PPP2R2C: variants seen among roughly 807,000 people sequenced by gnomAD.
The protein encoded by PPP2R2C is protein phosphatase 2 regulatory subunit Bgamma.
Under a neutral mutation model 45.3 loss-of-function variants are expected in PPP2R2C, and 10 were observed. The ratio of observed to expected loss-of-function variants is 0.22; its 90% CI spans 0.14 to 0.37. PPP2R2C has a LOEUF of 0.37. Ranked by LOEUF, PPP2R2C falls within the 10% of genes least tolerant of loss-of-function variation. The pLI is 1.00. For missense variants in PPP2R2C, 308 were observed against 619.7 expected (o/e 0.50, Z 5.34); for synonymous variants, 257 against 245.4 (o/e 1.05, Z -0.44).
At chr4:6,515,161 C>T (rs928599684) in intron 2 of PPP2R2C, among the ~76,000 whole-genome samples, 7 of 152,236 alleles carry the variant, frequency 4.6e-5, no homozygotes, top group Admixed American at 1.3e-4. Flanking sequence ...ATACAGGTGG[C>T]GGCTGGTCAC....
At chr4:6,418,055 C>G (rs1222906616) in intron 1 of PPP2R2C, among the ~76,000 whole-genome samples, 1 of 152,192 alleles carries the variant, frequency 6.6e-6, no homozygotes, top group East Asian at 1.9e-4. Context: ...TGCCCCTCAC[C>G]TTGCCTTGCC....
chr4:6,398,928 G>T (rs1469045000), intron 1 of PPP2R2C, among the ~76,000 whole-genome samples: 1 of 152,172 alleles, frequency 6.6e-6, no homozygotes, highest in African/African-American at 2.4e-5. Flanking sequence ...ACAAATCATT[G>T]ACACACACAG....
chr4:6,514,088 AGGAAAAAATAATTTACCGT>A (rs1723759390), intron 2 of PPP2R2C, among the ~76,000 whole-genome samples: 1 of 152,244 alleles, frequency 6.6e-6, no homozygotes, highest in African/African-American at 2.4e-5. Context: ...ATTTTATGTA[AGGAAAAAATAATTTACCGT>A]CCTTTGACTT....
At chr4:6,428,656 T>C (rs1719460423) in intron 1 of PPP2R2C, among the ~76,000 whole-genome samples, 1 of 152,236 alleles carries the variant, frequency 6.6e-6, no homozygotes, top group Non-Finnish European at 1.5e-5. Context: ...CAAGAGGGCC[T>C]GATGAATAAG....
At chr4:6,349,739 T>TA (rs112844533) in intron 5 of PPP2R2C, 319,174 of 541,870 alleles carry the variant, frequency 0.59, 93,172 homozygotes, top group Admixed American at 0.66. Context: ...CCATCTCTAC[T>TA]AAAAAAAAAT....
intron 1 of PPP2R2C, among the ~76,000 whole-genome samples, chr4:6,390,154 G>C (rs56239345): frequency 0.29 from 43,359 of 152,078 alleles, 6,333 homozygotes; most frequent in East Asian, 0.38. Context: ...GGACAGGGGA[G>C]AGCTGCTTAG....
At chr4:6,362,229 G>A (rs943284361) in intron 5 of PPP2R2C, among the ~76,000 whole-genome samples, 2 of 152,274 alleles carry the variant, frequency 1.3e-5, no homozygotes, top group Admixed American at 1.3e-4. Flanking sequence ...GAGGCTCCAG[G>A]GTGATGGAGT....
At chr4:6,407,451 G>C (rs1027283659) in intron 1 of PPP2R2C, among the ~76,000 whole-genome samples, 1 of 152,134 alleles carries the variant, frequency 6.6e-6, no homozygotes, top group African/African-American at 2.4e-5. Flanking sequence ...GCTGGAGTGC[G>C]GTGGCACGAT....
intron 1 of PPP2R2C, among the ~76,000 whole-genome samples, chr4:6,418,742 C>A (rs920977788): frequency 2.0e-5 from 3 of 152,246 alleles, no homozygotes; most frequent in Non-Finnish European, 4.4e-5. Context: ...TGGAGGGAAG[C>A]ATAGAGGACT....
chr4:6,487,395 TG>T (rs574732676), intron 2 of PPP2R2C, among the ~76,000 whole-genome samples: 10 of 152,100 alleles, frequency 6.6e-5, no homozygotes, highest in Middle Eastern at 3.4e-3. Flanking sequence ...ACTACAGGCC[TG>T]CTAGTTATGA....
At position 6,511,567 on chromosome 4, in the gene PPP2R2C, GTGGTGA is replaced by G. The variant is rs1560593990; in HGVS notation, c.49+23698_49+23703del. 9.3e-4 allele frequency among the ~76,000 whole-genome samples: 70 copies of G among 75,082 alleles called. 7 individuals carry two copies. Among genetic ancestry groups the G allele is most frequent in the Non-Finnish European group, 1.2e-3 (46 of 36,920 alleles). The allele number at this position is 75,082 out of a possible 152,430, so 49.3% of individuals were successfully genotyped here. On this transcript the variant is annotated intron_variant, in intron 2 of 9. Coordinates refer to the PPP2R2C transcript ENST00000506140. ...GGTGATGGTGGTGGTGGTGGTGGTG[GTGGTGA>G]TGGCGGTGGTGGTGGTGGTGGTGAT... is the stretch of plus-strand genomic sequence containing the variant.
chr4:6,560,642 G>A (rs897821520), intron 1 of PPP2R2C, among the ~76,000 whole-genome samples: 2 of 152,182 alleles, frequency 1.3e-5, no homozygotes, highest in Non-Finnish European at 2.9e-5. Context: ...CTGGAGCTCT[G>A]TGCCTATCCA....
intron 1 of PPP2R2C, among the ~76,000 whole-genome samples, chr4:6,434,925 AT>A (rs33935112): frequency 0.052 from 7,900 of 152,066 alleles, 669 homozygotes; most frequent in African/African-American, 0.18. Flanking sequence ...CTTCTATTGA[AT>A]TTTTTTGGGG....
intron 1 of PPP2R2C, among the ~76,000 whole-genome samples, chr4:6,389,875 G>A (rs4507442): frequency 0.23 from 34,865 of 152,024 alleles, 4,314 homozygotes; most frequent in South Asian, 0.3. Context: ...GGATTCCAGC[G>A]GTCTGCCTCC....
In PPP2R2C at chr4:6,399,096, A is replaced by G. The variant is rs60487213; in HGVS notation, c.71-18002T>C. On this transcript the variant is annotated intron_variant, in intron 1 of 8. Coordinates refer to ENST00000382599, the MANE Select transcript of PPP2R2C (RefSeq NM_020416.4). ...TGGCTACCCAGGGTGCAGGGCAGAG[A>G]TAGGAATGGACCACACAGAGAACAG... Among the ~76,000 whole-genome samples, 1,368 of 152,308 alleles carry G rather than the reference A, an allele frequency of 9.0e-3. 26 individuals carry two copies. Among genetic ancestry groups the G allele is most frequent in the African/African-American group, 0.03 (1,260 of 41,560 alleles).
At chr4:6,509,924 T>C (rs1216828762) in intron 2 of PPP2R2C, among the ~76,000 whole-genome samples, 1 of 152,210 alleles carries the variant, frequency 6.6e-6, no homozygotes, top group Non-Finnish European at 1.5e-5. Flanking sequence ...CTCCCTTTCC[T>C]GCACCCTCCA....
At chr4:6,333,881 G>T in intron 6 of PPP2R2C, 150 bp from the exon 7 acceptor site, 1 of 834,320 alleles carries the variant, frequency 1.2e-6, no homozygotes, top group Non-Finnish European at 1.9e-6. Flanking sequence ...ACTTACCAGG[G>T]AACAAGCCTG....
intron 1 of PPP2R2C, among the ~76,000 whole-genome samples, chr4:6,391,079 T>C (rs1716598170): frequency 6.6e-6 from 1 of 151,984 alleles, no homozygotes. Flanking sequence ...GGTGGGAGTA[T>C]TTTTGGGGGG....
Position 6,378,832 on chromosome 4 carries a change from G to A in PPP2R2C, c.169-260C>T, listed in dbSNP as rs1227397516. Among the ~76,000 whole-genome samples, 3 of 151,828 alleles carry A rather than the reference G, an allele frequency of 2.0e-5. No homozygotes were observed. Among genetic ancestry groups the A allele is most frequent in the Non-Finnish European group, 4.4e-5 (3 of 67,980 alleles). On this transcript the variant is annotated intron_variant, in intron 2 of 8. Transcript: ENST00000382599. This position sits in a 1 kb window ranked among gnomAD's most constrained non-coding sequence, Gnocchi z 5.2. The stretch of plus-strand genomic sequence containing the variant: ...CTTGCTAATGCGAATGTTCCCCAGC[G>A]CCTGCTACAAGCTGGACACCCCACT...
Sources: allele counts gnomAD v4.1 joint callset (sites outside exome capture counted in the v4.1 genomes callset), GRCh38; gene constraint gnomAD v4.1.1; non-coding constraint Gnocchi (gnomAD v3.1); transcripts MANE v1.5; gene names NCBI Gene and HGNC (gene_info 2026-07-23, HGNC 2026-07-21).